SPRTN: variants seen among roughly 807,000 people sequenced by gnomAD.
The protein encoded by SPRTN is DNA-dependent metalloprotease SPRTN.
SPRTN carries 11 observed loss-of-function variants against 31.9 expected under a neutral mutation model. That is an observed-to-expected ratio of 0.34 (90% CI 0.22 to 0.57). The LOEUF (loss-of-function observed/expected upper bound fraction) is 0.57, where lower values mean the gene tolerates loss of function less well. SPRTN is among the 20% of genes least tolerant of loss of function. SPRTN has a pLI of 0.86. For synonymous variants in SPRTN, 185 were observed against 212.1 expected, an observed-to-expected ratio of 0.87 and a Z score of 1.11; for missense variants, 482 against 590.1, an observed-to-expected ratio of 0.82 and a Z score of 1.90.
At chr1:231,347,774 A>G in intron 2 of SPRTN, 23 bp from the exon 3 acceptor site, 2 of 1,593,518 alleles carry the variant, frequency 1.3e-6, no homozygotes, top group South Asian at 1.1e-5. Flanking sequence ...CTCTAAAACT[A>G]ATTTGAATAT....
intron 2 of SPRTN, among the ~76,000 whole-genome samples, chr1:231,346,255 C>G (rs952720658): frequency 1.5e-5 from 2 of 129,740 alleles, no homozygotes; most frequent in African/African-American, 6.1e-5. Flanking sequence ...GTGGTGCATT[C>G]TCGGCTCACT....
intron 2 of SPRTN, among the ~76,000 whole-genome samples, chr1:231,342,722 C>T (rs182571438): frequency 1.0e-4 from 15 of 149,606 alleles, no homozygotes; most frequent in African/African-American, 2.9e-4. Flanking sequence ...CCACCATGCC[C>T]GGCCAGGACT....
rs1485344468 is a variant in SPRTN at position 231,339,777 on chromosome 1, G to A, written c.230G>A (p.Gly77Glu). Residue 77 changes from glycine (G) to glutamate (E), a missense_variant, in exon 2 of 5, where the codon GGG (glycine) becomes GAG (glutamate). Gly to Glu is a moderately conservative substitution (Grantham distance 98). Around this residue, in one of 2 missense-constraint regions of SPRTN, gnomAD observed 157 missense variants for 239.9 expected, o/e 0.65. Transcript: ENST00000295050. ...TGGTGATTGTTTTCTAGGTGTGCTG[G>A]GATATGCAGCTATGAAGGGAAGGGT... Reference protein sequence around the residue: ...KWSVRMTLCAGICSYEGKGGM... With the variant: ...KWSVRMTLCAEICSYEGKGGM... 1 of 1,614,098 alleles carries A rather than the reference G, an allele frequency of 6.2e-7. No individual in the cohort carries two copies. The highest frequency in any genetic ancestry group is 1.1e-5 in the South Asian group (1 of 91,076).
At chr1:231,342,973 G>A (rs772839854) in intron 2 of SPRTN, among the ~76,000 whole-genome samples, 1 of 151,852 alleles carries the variant, frequency 6.6e-6, no homozygotes, top group Non-Finnish European at 1.5e-5. Flanking sequence ...TCCTGACCTC[G>A]TGATCCGCCC....
chr1:231,344,141 C>A (rs1318282276), intron 2 of SPRTN, among the ~76,000 whole-genome samples: 1 of 152,140 alleles, frequency 6.6e-6, no homozygotes, highest in Admixed American at 6.5e-5. Flanking sequence ...GAGAATAGAT[C>A]TTTATCATTG....
At chr1:231,349,295 T>G (rs768926073) in intron 3 of SPRTN, among the ~76,000 whole-genome samples, 1 of 152,202 alleles carries the variant, frequency 6.6e-6, no homozygotes, top group Non-Finnish European at 1.5e-5. Context: ...GTATTACTAT[T>G]TTCTAGCTAT....
At chr1:231,346,849 C>T (rs954649512) in intron 2 of SPRTN, among the ~76,000 whole-genome samples, 12 of 151,492 alleles carry the variant, frequency 7.9e-5, no homozygotes, top group African/African-American at 1.9e-4. Flanking sequence ...GGCTGAGGCA[C>T]GAGAATCACT....
intron 1 of SPRTN, 124 bp downstream of exon 1, chr1:231,338,728 G>C (rs1686768675): frequency 9.0e-7 from 1 of 1,109,244 alleles, no homozygotes; most frequent in South Asian, 1.5e-5. Flanking sequence ...GGGGAGTCTG[G>C]TTTTGGACCT....
chr1:231,342,201 C>G (rs1483188960), intron 2 of SPRTN, among the ~76,000 whole-genome samples: 4 of 152,140 alleles, frequency 2.6e-5, no homozygotes, highest in Non-Finnish European at 4.4e-5. Flanking sequence ...GGAGCCCTAA[C>G]TGGAAGAGTT....
intron 2 of SPRTN, among the ~76,000 whole-genome samples, chr1:231,344,411 A>G (rs979805200): frequency 7.9e-5 from 12 of 152,262 alleles, no homozygotes; most frequent in African/African-American, 2.2e-4. Flanking sequence ...GGAGGATGAG[A>G]TAGAGGGATC....
At chr1:231,339,681 A>G (rs1166139146) in intron 1 of SPRTN, 88 bp from the exon 2 acceptor site, 25 of 1,300,804 alleles carry the variant, frequency 1.9e-5, no homozygotes, top group Admixed American at 1.2e-4. Context: ...CCATCTGCCA[A>G]CTGAGTTAGT....
intron 2 of SPRTN, among the ~76,000 whole-genome samples, chr1:231,345,261 G>T (rs1216039942): frequency 6.6e-6 from 1 of 151,900 alleles, no homozygotes; most frequent in Non-Finnish European, 1.5e-5. Context: ...CCGAGTAGCT[G>T]GGATTACAGG....
At chr1:231,351,921 A>G (rs1687251374) in intron 4 of SPRTN, 1 of 1,014,662 alleles carries the variant, frequency 9.9e-7, no homozygotes, top group Non-Finnish European at 1.2e-6. Flanking sequence ...TAGGAAACAG[A>G]AGGCAAAAAG....
At chr1:231,349,066 G>C (rs1477668406) in intron 3 of SPRTN, among the ~76,000 whole-genome samples, 1 of 152,034 alleles carries the variant, frequency 6.6e-6, no homozygotes, top group African/African-American at 2.4e-5. Flanking sequence ...AACCTCCTGG[G>C]CTTAAGTGAT....
chr1:231,339,572 G>A, intron 1 of SPRTN, 197 bp from the exon 2 acceptor site: 2 of 747,452 alleles, frequency 2.7e-6, no homozygotes, highest in Non-Finnish European at 2.3e-6. Flanking sequence ...GCCCGGCGGG[G>A]ATCGGAGCCA....
chr1:231,352,165 ACC>A, intron 4 of SPRTN: 1 of 989,758 alleles, frequency 1.0e-6, no homozygotes, highest in Non-Finnish European at 1.2e-6. Flanking sequence ...GAAGTTGTTG[ACC>A]CAAGAACATA....
intron 2 of SPRTN, among the ~76,000 whole-genome samples, chr1:231,345,385 C>T (rs1383752950): frequency 6.6e-6 from 1 of 152,210 alleles, no homozygotes; most frequent in Non-Finnish European, 1.5e-5. Context: ...GCCTCGGCCT[C>T]CCAAAGTGCG....
chr1:231,352,373 A>C, intron 4 of SPRTN: 1 of 1,193,024 alleles, frequency 8.4e-7, no homozygotes, highest in Non-Finnish European at 1.0e-6. Flanking sequence ...CTTTGGCATG[A>C]TAAGATTCTT....
rs1369182756 is a variant in SPRTN at position 231,354,060 on chromosome 1, T to G, written c.*699T>G. On this transcript the variant is annotated 3_prime_UTR_variant, in exon 5 of 5. Coordinates refer to ENST00000295050, the MANE Select transcript of SPRTN (RefSeq NM_032018.7). ...TCTGTAGGCCAAATTTTATATTGAG[T>G]TTAGCTGTTTTCTCAAAATTTAGCA... 2 of 975,026 alleles carry G rather than the reference T, an allele frequency of 2.1e-6. No individual in the cohort carries two copies. Among genetic ancestry groups the G allele is most frequent in the Non-Finnish European group, 2.4e-6 (2 of 820,604 alleles). The allele number at this position is 975,026 out of a possible 1,614,324, so 60.4% of individuals were successfully genotyped here. A position where few individuals can be genotyped will look rare whatever the true frequency, so the allele number is the denominator to read the frequency against.
Sources: allele counts gnomAD v4.1 joint callset (sites outside exome capture counted in the v4.1 genomes callset), GRCh38; gene constraint gnomAD v4.1.1; regional missense constraint gnomAD v4.1.1; transcripts MANE v1.5; gene names NCBI Gene and HGNC (gene_info 2026-07-23, HGNC 2026-07-21).